TULP3: variants seen among roughly 807,000 people sequenced by gnomAD.
TULP3 encodes TUB like protein 3.
TULP3 carries 38 observed loss-of-function variants against 50.7 expected under a neutral mutation model. The observed-to-expected ratio is 0.75, with a 90% CI of 0.58 to 0.98. The LOEUF is 0.98. Ranked by LOEUF, TULP3 falls within the 50% of genes least tolerant of loss-of-function variation. The pLI, the probability that TULP3 is intolerant of heterozygous loss-of-function variation, is 0.00. For synonymous variants in TULP3, 183 were observed against 196.6 expected (o/e 0.93, Z 0.58); for missense variants, 550 against 568.0 (o/e 0.97, Z 0.32).
intron 1 of TULP3, among the ~76,000 whole-genome samples, chr12:2,903,562 CAAAAAAAAA>C (rs78763103): frequency 7.9e-6 from 1 of 126,354 alleles, no homozygotes. Context: ...GACTCTATCT[CAAAAAAAAA>C]AAAAAGAAAA....
At chr12:2,914,117 A>AAAT (rs2098187251) in intron 2 of TULP3, among the ~76,000 whole-genome samples, 2 of 143,960 alleles carry the variant, frequency 1.4e-5, no homozygotes, top group African/African-American at 2.7e-5. Context: ...AATATACAAT[A>AAAT]AATAATTCTT....
Position 2,940,986 on chromosome 12 carries a change from C to T in TULP3, c.*1542C>T. 1 of 441,300 alleles carries T rather than the reference C, an allele frequency of 2.3e-6. No homozygotes were observed. Among genetic ancestry groups the T allele is most frequent in the Admixed American group, 4.0e-5 (1 of 25,178 alleles). The allele number at this position is 441,300 out of a possible 1,614,324, so 27.3% of individuals were successfully genotyped here. On this transcript the variant is annotated 3_prime_UTR_variant, in exon 11 of 11. Transcript: ENST00000448120. ...ATGTGGGGAAGGACTTATGGTGGGC[C>T]AGGTGGACCTCATCCTGCTTCTTCC...
Position 2,934,511 on chromosome 12 carries a change from G to C in TULP3, c.874G>C (p.Gly292Arg). 1 of 1,604,970 alleles carries C rather than the reference G, an allele frequency of 6.2e-7. No homozygotes were observed. ...DRGICPMKGR[G>R]LVGAAHTRQE... ...TGGCATCTGCCCCATGAAGGGCCGG[G>C]GTTTGGTAGGAGCGGCCCACACCCG... is the stretch of plus-strand genomic sequence containing the variant. The change falls in exon 8 of 11, where the codon GGT becomes CGT. Residue 292 changes from glycine (G) to arginine (R), a missense_variant. Gly to Arg is a moderately radical substitution (Grantham distance 125). Coordinates refer to ENST00000448120, the MANE Select transcript of TULP3 (RefSeq NM_003324.5).
intron 7 of TULP3, among the ~76,000 whole-genome samples, chr12:2,933,975 G>A (rs144776166): frequency 1.2e-4 from 19 of 152,212 alleles, no homozygotes; most frequent in Non-Finnish European, 1.5e-4. Context: ...TAAGGCTGGT[G>A]TGGTGGCTCA....
intron 8 of TULP3, among the ~76,000 whole-genome samples, chr12:2,936,889 C>T (rs1019585489): frequency 2.0e-5 from 3 of 151,894 alleles, no homozygotes; most frequent in Admixed American, 1.3e-4. Context: ...AGGCAGATCA[C>T]GAGGTCAGGA....
rs1463097042 is a variant in TULP3 at position 2,933,548 on chromosome 12, T to C, written c.809+18T>C. The C allele has an allele frequency of 2.0e-6, 3 of 1,486,350 alleles. No individual in the cohort carries two copies. The African/African-American group carries it at 4.2e-5, about 21-fold the overall frequency. 92.1% of individuals were successfully genotyped at this position (1,486,350 alleles called of 1,614,324 possible). A position where few individuals can be genotyped will look rare whatever the true frequency, so the allele number is the denominator to read the frequency against. On this transcript the variant is annotated intron_variant, in intron 7 of 10. Coordinates refer to ENST00000448120, the MANE Select transcript of TULP3 (RefSeq NM_003324.5). Reference sequence around the variant, plus strand: ...AAGCTTAGGTGAAAGCAACCTTAGATCACTGTCCTATTCTTTCTGATAGTC... The same window carrying C: ...AAGCTTAGGTGAAAGCAACCTTAGACCACTGTCCTATTCTTTCTGATAGTC...
intron 1 of TULP3, among the ~76,000 whole-genome samples, chr12:2,899,919 CAAA>C (rs796727543): frequency 4.3e-5 from 2 of 46,712 alleles, no homozygotes; most frequent in Non-Finnish European, 8.2e-5. Flanking sequence ...AAAAAAAAAA[CAAA>C]AAAAACTTGG....
rs144443824 is a variant in TULP3, at chr12:2,916,600, T to C, written c.94-4163T>C. ...CTGGCTTTCTTCCTGGCTCCCTGAC[T>C]TACTCTATCTTGGTAATGAGTCCTT... On this transcript the variant is annotated intron_variant, in intron 2 of 10. Coordinates refer to ENST00000448120, the MANE Select transcript of TULP3 (RefSeq NM_003324.5). Among the ~76,000 whole-genome samples the C allele has an allele frequency of 1.8e-4, 28 of 152,332 alleles. No individual in the cohort carries two copies. The East Asian group carries it at 2.9e-3, about 16-fold the overall frequency.
chr12:2,894,058 G>A (rs2098173909), intron 1 of TULP3, among the ~76,000 whole-genome samples: 1 of 152,068 alleles, frequency 6.6e-6, no homozygotes, highest in African/African-American at 2.4e-5. Context: ...AGATGACGGG[G>A]GTTGGCTGGT....
intron 1 of TULP3, among the ~76,000 whole-genome samples, chr12:2,892,120 A>G (rs1474012314): frequency 1.3e-5 from 2 of 152,028 alleles, no homozygotes; most frequent in Non-Finnish European, 2.9e-5. Context: ...ATTTAGTTTG[A>G]TATTTCCACT....
At chr12:2,907,335 T>C (rs1183624935) in intron 1 of TULP3, among the ~76,000 whole-genome samples, 3 of 152,042 alleles carry the variant, frequency 2.0e-5, no homozygotes, top group Admixed American at 6.6e-5. Flanking sequence ...ATTAGCCCGG[T>C]GTAGCAACGT....
chr12:2,933,029 G>T (rs956367466), intron 6 of TULP3, among the ~76,000 whole-genome samples: 1 of 151,498 alleles, frequency 6.6e-6, no homozygotes, highest in African/African-American at 2.4e-5. Flanking sequence ...TGCAAGCTCC[G>T]CCTCCTGGGT....
intron 4 of TULP3, among the ~76,000 whole-genome samples, chr12:2,925,828 GTTCT>G (rs1168160559): frequency 2.0e-5 from 3 of 152,158 alleles, no homozygotes; most frequent in African/African-American, 4.8e-5. Context: ...TCTTAGTCTG[GTTCT>G]TTATCCCTGA....
rs2098191374 is a variant in TULP3 at position 2,921,018 on chromosome 12, T to C, written c.253+96T>C. ...CAGACGGACCAAAGGGACAATATTA[T>C]TAGCACCATTACTAGGTACCTTCAT... is the stretch of plus-strand genomic sequence containing the variant. On this transcript the variant is annotated intron_variant, in intron 3 of 10. Transcript: ENST00000448120. The C allele has an allele frequency of 1.2e-5, 17 of 1,401,680 alleles. No individual in the cohort carries two copies. The South Asian group carries it at 2.0e-4, about 17-fold the overall frequency. The allele number at this position is 1,401,680 out of a possible 1,614,324, so 86.8% of individuals were successfully genotyped here. A position where few individuals can be genotyped will look rare whatever the true frequency, so the allele number is the denominator to read the frequency against.
Position 2,930,284 on chromosome 12 carries a change from AT to A in TULP3, c.432del (p.Asp144GlufsTer9), listed in dbSNP as rs1218304471. On this transcript the variant is annotated frameshift_variant, in exon 5 of 11. Coordinates refer to ENST00000448120, the MANE Select transcript of TULP3 (RefSeq NM_003324.5). LOFTEE classifies it high-confidence loss of function. Reference protein sequence around the residue: ...SESVNFDEETDGISQSACLER... With the variant: ...SESVNFDEETXGISQSACLER... ...AGTGTGAACTTCGATGAGGAGACTG[AT>A]GGAATATCCCAGTCAGCATGTTTAG... 1.6e-5 allele frequency: 26 copies of A among 1,612,908 alleles called. No individual in the cohort carries two copies. The African/African-American group carries it at 3.5e-4, about 22-fold the overall frequency.
chr12:2,899,960 A>T (rs908301014), intron 1 of TULP3, among the ~76,000 whole-genome samples: 3 of 151,954 alleles, frequency 2.0e-5, no homozygotes, highest in Admixed American at 2.0e-4. Flanking sequence ...CACATCTGTA[A>T]TCCCAGCACT....
In TULP3 at chr12:2,890,952, A is replaced by G; in HGVS notation, c.5A>G (p.Glu2Gly). 6.3e-7 allele frequency: 1 copy of G among 1,596,426 alleles called. No homozygotes were observed. Among genetic ancestry groups the G allele is most frequent in the African/African-American group, 1.3e-5 (1 of 74,194 alleles). MEASRCRLSPSG... is the reference protein window; with the variant it reads MGASRCRLSPSG... ...GGGGCTTCCTCGGTGGCGGGCATGG[A>G]GGCTTCGCGCTGCCGGCTCAGTCCC... The change falls in exon 1 of 11, where the codon GAG (glutamate) becomes GGG (glycine). Residue 2 changes from glutamate (E) to glycine (G), a missense_variant. Coordinates refer to ENST00000448120, the MANE Select transcript of TULP3 (RefSeq NM_003324.5).
rs1178419836 is a variant in TULP3, at chr12:2,938,162, CTGGT to C, written c.1075_1078del (p.Val359SerfsTer29). The stretch of plus-strand genomic sequence containing the variant: ...GTGGCAGAACAGAACTATGGAAAAT[CTGGT>C]TGAGCTGCACAACAAGGCCCCCGTC... On this transcript the variant is annotated frameshift_variant, in exon 10 of 11. Transcript: ENST00000448120. LOFTEE classifies it high-confidence loss of function. 1.9e-6 allele frequency: 3 copies of C among 1,614,058 alleles called. No individual in the cohort carries two copies. In the African/African-American group the frequency reaches 4.0e-5, roughly 22 times the overall value.
chr12:2,932,344 T>C (rs2098198577), intron 6 of TULP3, among the ~76,000 whole-genome samples: 1 of 152,092 alleles, frequency 6.6e-6, no homozygotes, highest in African/African-American at 2.4e-5. Flanking sequence ...TTCGGGAGGC[T>C]GAGGCAGGTG....
Sources: allele counts gnomAD v4.1 joint callset (sites outside exome capture counted in the v4.1 genomes callset), GRCh38; gene constraint gnomAD v4.1.1; transcripts MANE v1.5; gene names NCBI Gene and HGNC (gene_info 2026-07-23, HGNC 2026-07-21).